The following LPIN2 variants were observed in gnomAD, a reference collection of about 807,000 sequenced individuals.
LPIN2 encodes phosphatidate phosphatase LPIN2.
In LPIN2, 55 loss-of-function variants were observed where a neutral mutation model predicts 111.4. The observed-to-expected ratio is 0.49, with a 90% CI of 0.40 to 0.62. The LOEUF (loss-of-function observed/expected upper bound fraction) is 0.62, where lower values mean the gene tolerates loss of function less well. Ranked by LOEUF, LPIN2 falls within the 20% of genes least tolerant of loss-of-function variation. LPIN2 has a pLI of 0.00. For synonymous variants in LPIN2, 425 were observed against 414.0 expected, an observed-to-expected ratio of 1.03 and a Z score of -0.32; for missense variants, 992 against 1,112.1, an observed-to-expected ratio of 0.89 and a Z score of 1.54.
intron 1 of LPIN2, among the ~76,000 whole-genome samples, chr18:2,970,183 G>C (rs186770462): frequency 2.0e-5 from 3 of 152,196 alleles, no homozygotes; most frequent in Admixed American, 6.5e-5. Context: ...TTCTGTTTGG[G>C]AATTTAAACA....
rs752818468 is a variant in LPIN2, at chr18:2,925,331, G to A, written c.1831C>T (p.Gln611Ter). ...ENDSSSDEGSQELEESITVDP... is the reference protein window; with the variant it reads ...ENDSSSDEGS ...ACTGTGATGGATTCTTCGAGCTCCT[G>A]TGATCCCTCGTCACTCGAGGAGTCA... Residue 611 changes from glutamine (Q) to a stop codon, truncating the protein, a stop_gained, in exon 14 of 20, where the codon CAG becomes TAG. Coordinates refer to ENST00000677752, the MANE Select transcript of LPIN2 (RefSeq NM_001375808.2). LOFTEE classifies it high-confidence loss of function. The surrounding 1 kb of genome is among the most constrained non-coding windows in gnomAD (Gnocchi z 4.1). 1 of 1,613,926 alleles carries A rather than the reference G, an allele frequency of 6.2e-7. No homozygotes were observed. The highest frequency in any genetic ancestry group is 8.5e-7 in the Non-Finnish European group (1 of 1,179,946).
At chr18:2,937,530 A>G (rs1349010774) in intron 7 of LPIN2, among the ~76,000 whole-genome samples, 162 bp downstream of exon 7, 1 of 139,694 alleles carries the variant, frequency 7.2e-6, no homozygotes, top group African/African-American at 2.7e-5. Flanking sequence ...GGGTAACAAG[A>G]GCGAAACTCC....
At position 2,926,788 on chromosome 18, in the gene LPIN2, C is replaced by T; in HGVS notation, c.1728G>A (p.Glu576=). 6.2e-7 allele frequency: 1 copy of T among 1,613,850 alleles called. No homozygotes were observed. Among genetic ancestry groups the T allele is most frequent in the Non-Finnish European group, 8.5e-7 (1 of 1,180,016 alleles). ...TGGCTGGCGGTGCCTCAGATTTTCCCTCCTTGGATTCTGGCAGCTGTAACA... is the reference window on the plus strand; with the variant it reads ...TGGCTGGCGGTGCCTCAGATTTTCCTTCCTTGGATTCTGGCAGCTGTAACA... ...SMTKQLPESK[E]GKSEAPPASD... The change falls in exon 13 of 20, where the codon GAG becomes GAA. Residue 576 remains glutamate, a synonymous_variant. Coordinates refer to ENST00000677752, the MANE Select transcript of LPIN2 (RefSeq NM_001375808.2).
intron 1 of LPIN2, among the ~76,000 whole-genome samples, chr18:2,972,645 A>G (rs2077939834): frequency 1.3e-5 from 2 of 152,212 alleles, no homozygotes; most frequent in South Asian, 2.1e-4. Flanking sequence ...TCAAAATAAC[A>G]TGTGTGGCTT....
chr18:3,009,276 G>A (rs1035741058), intron 1 of LPIN2, among the ~76,000 whole-genome samples: 1 of 151,654 alleles, frequency 6.6e-6, no homozygotes, highest in Non-Finnish European at 1.5e-5. Flanking sequence ...GCACGTGCCT[G>A]TAGTCCCAGC....
chr18:2,958,069 G>C (rs1234187198), intron 2 of LPIN2, among the ~76,000 whole-genome samples: 2 of 144,856 alleles, frequency 1.4e-5, no homozygotes, highest in African/African-American at 5.1e-5. Flanking sequence ...TTGAATCAGG[G>C]AGGCGGAAGT....
intron 1 of LPIN2, among the ~76,000 whole-genome samples, chr18:2,996,184 CA>C (rs2078338096): frequency 6.6e-6 from 1 of 151,694 alleles, no homozygotes; most frequent in Non-Finnish European, 1.5e-5. Flanking sequence ...ACTAACAATA[CA>C]AAAAATTAGC....
At chr18:3,006,780 T>A (rs2078523038) in intron 1 of LPIN2, among the ~76,000 whole-genome samples, 1 of 150,710 alleles carries the variant, frequency 6.6e-6, no homozygotes, top group Non-Finnish European at 1.5e-5. Context: ...GAGCTTGCAG[T>A]GAGCAGAGAT....
At chr18:2,928,705 G>T in intron 10 of LPIN2, 45 bp from the exon 11 acceptor site, 1 of 1,398,590 alleles carries the variant, frequency 7.2e-7, no homozygotes, top group Non-Finnish European at 1.0e-6. Context: ...CAGTGAAAGT[G>T]AGCAAGAGAG....
At chr18:2,938,662 G>T (rs1450025130) in intron 6 of LPIN2, among the ~76,000 whole-genome samples, 1 of 152,160 alleles carries the variant, frequency 6.6e-6, no homozygotes, top group Non-Finnish European at 1.5e-5. Flanking sequence ...CACCCTCCTT[G>T]GACCACATCA....
chr18:2,966,918 G>A (rs1026625294), intron 1 of LPIN2: 15 of 152,158 alleles, frequency 9.9e-5, no homozygotes, highest in Admixed American at 6.5e-4. Context: ...TATGCTAGGA[G>A]GGAAGAGAGA....
intron 1 of LPIN2, among the ~76,000 whole-genome samples, chr18:2,981,523 T>C (rs1490132564): frequency 1.3e-5 from 2 of 152,218 alleles, no homozygotes; most frequent in Non-Finnish European, 2.9e-5. Context: ...TTATGTGTGT[T>C]AGTGCTACTT....
intron 4 of LPIN2, chr18:2,945,722 C>T (rs2077440788): frequency 1.6e-6 from 2 of 1,228,052 alleles, no homozygotes; most frequent in East Asian, 2.3e-5. Context: ...GATCAAATTC[C>T]TTCTCTCCTT....
chr18:2,984,450 C>T (rs562167504), intron 1 of LPIN2, among the ~76,000 whole-genome samples: 7 of 152,004 alleles, frequency 4.6e-5, no homozygotes, highest in Non-Finnish European at 1.0e-4. Context: ...AGTTCAGGAT[C>T]CTTGGCATCA....
At chr18:3,002,730 A>T (rs1276114147) in intron 1 of LPIN2, among the ~76,000 whole-genome samples, 8 of 152,250 alleles carry the variant, frequency 5.3e-5, no homozygotes, top group Non-Finnish European at 1.2e-4. Flanking sequence ...AGATAAAAAC[A>T]AGCTTTTAAC....
At chr18:2,922,004 C>T in intron 17 of LPIN2, 43 bp downstream of exon 17, 1 of 1,594,966 alleles carries the variant, frequency 6.3e-7, no homozygotes, top group Non-Finnish European at 8.5e-7. Context: ...GCCCCGCCCA[C>T]ATGCTGGGGC....
chr18:2,971,296 C>T (rs1419970577), intron 1 of LPIN2, among the ~76,000 whole-genome samples: 1 of 152,160 alleles, frequency 6.6e-6, no homozygotes, highest in Non-Finnish European at 1.5e-5. Context: ...ACATCCACAA[C>T]AGATTGTGAA....
chr18:2,962,857 C>CA (rs1234400387), intron 1 of LPIN2, among the ~76,000 whole-genome samples: 11 of 151,356 alleles, frequency 7.3e-5, no homozygotes, highest in Non-Finnish European at 1.0e-4. Flanking sequence ...TTAAAATAAA[C>CA]AAAAAAATGC....
chr18:2,966,757 A>T (rs2077809505), intron 1 of LPIN2, among the ~76,000 whole-genome samples: 1 of 152,160 alleles, frequency 6.6e-6, no homozygotes, highest in African/African-American at 2.4e-5. Context: ...TCACACCACT[A>T]CTATTAACCC....
Sources: gnomAD v4.1 joint callset for allele counts (sites outside exome capture counted in the v4.1 genomes callset) on GRCh38, gnomAD v4.1.1 for gene constraint, Gnocchi (gnomAD v3.1) non-coding constraint, MANE v1.5 for transcripts, NCBI Gene and HGNC (gene_info 2026-07-23, HGNC 2026-07-21) for gene names.